The following ADORA2B variants were observed in gnomAD, a reference collection of about 807,000 sequenced individuals.
ADORA2B encodes adenosine A2b receptor.
Under a neutral mutation model 20.8 loss-of-function variants are expected in ADORA2B, and 18 were observed. The observed-to-expected ratio is 0.87, with a 90% confidence interval of 0.60 to 1.29. The LOEUF (loss-of-function observed/expected upper bound fraction) is 1.29, where lower values mean the gene tolerates loss of function less well. Ranked by LOEUF, ADORA2B falls within the 50% of genes most tolerant of loss-of-function variation. The pLI, the probability that ADORA2B is intolerant of heterozygous loss-of-function variation, is 0.00. For synonymous variants in ADORA2B, 179 were observed against 178.3 expected, an observed-to-expected ratio of 1.00 and a Z score of -0.03; for missense variants, 441 against 422.7, an observed-to-expected ratio of 1.04 and a Z score of -0.38.
chr17:15,866,680 G>GCTCTCC, the ADORA2B span, among the ~76,000 whole-genome samples: 122 of 114,278 alleles, frequency 1.1e-3, 1 homozygote, highest in Middle Eastern at 4.3e-3. Context: ...TCTTCTTTTG[G>GCTCTCC]CTCTCCCTCT....
At chr17:15,939,665 C>A in the ADORA2B span, among the ~76,000 whole-genome samples, 1 of 151,956 alleles carries the variant, frequency 6.6e-6, no homozygotes, top group Non-Finnish European at 1.5e-5. Flanking sequence ...TGAGACCATC[C>A]TGGCTAACAC....
At chr17:15,923,143 C>T in the ADORA2B span, among the ~76,000 whole-genome samples, 1 of 150,734 alleles carries the variant, frequency 6.6e-6, no homozygotes, top group East Asian at 1.9e-4. Context: ...GTGCCTCAGC[C>T]TCTCGAGTAG....
the ADORA2B span, among the ~76,000 whole-genome samples, chr17:15,875,973 G>A: frequency 6.6e-4 from 100 of 152,350 alleles, no homozygotes; most frequent in African/African-American, 2.3e-3. Context: ...GATCACAGCA[G>A]TGTCATCTTG....
chr17:15,956,509 C>T (rs1274225182), intron 1 of ADORA2B, among the ~76,000 whole-genome samples: 1 of 151,944 alleles, frequency 6.6e-6, no homozygotes, highest in Non-Finnish European at 1.5e-5. Context: ...TCCTGTCCAC[C>T]TTCTGTTTTT....
At chr17:15,931,359 G>A in the ADORA2B span, among the ~76,000 whole-genome samples, 1 of 152,198 alleles carries the variant, frequency 6.6e-6, no homozygotes, top group African/African-American at 2.4e-5. Context: ...GTCCTCCCCA[G>A]CACCCACTCA....
chr17:15,877,220 G>A, the ADORA2B span, among the ~76,000 whole-genome samples: 3 of 151,898 alleles, frequency 2.0e-5, no homozygotes, highest in African/African-American at 4.8e-5. Context: ...TACGAATTTC[G>A]CTGAAGATTG....
chr17:15,941,401 C>T (rs1969743830), upstream of ADORA2B, among the ~76,000 whole-genome samples: 2 of 152,190 alleles, frequency 1.3e-5, no homozygotes, highest in East Asian at 1.9e-4. Flanking sequence ...GTTGCTAAGA[C>T]CTGGGCTCTG....
At chr17:15,888,398 G>A in the ADORA2B span, among the ~76,000 whole-genome samples, 1 of 128,296 alleles carries the variant, frequency 7.8e-6, no homozygotes, top group Non-Finnish European at 1.6e-5. Flanking sequence ...CACACCCCAG[G>A]AGCCTCAGGG....
intron 1 of ADORA2B, chr17:15,974,412 C>T (rs1567785350): frequency 2.4e-6 from 1 of 414,952 alleles, no homozygotes; most frequent in Non-Finnish European, 4.3e-6. Flanking sequence ...TCCCTTAAGG[C>T]TTCCCCACCT....
the ADORA2B span, among the ~76,000 whole-genome samples, chr17:15,868,154 A>T: frequency 2.0e-4 from 28 of 141,548 alleles, no homozygotes; most frequent in African/African-American, 6.6e-4. Flanking sequence ...GTGCTTTGTT[A>T]AACAGATGCT....
chr17:15,899,115 A>C, the ADORA2B span, among the ~76,000 whole-genome samples: 1,516 of 152,106 alleles, frequency 1.0e-2, 35 homozygotes, highest in African/African-American at 0.034. Context: ...CTGTAATCCC[A>C]GCTACTTGGG....
At chr17:15,968,196 C>T (rs1227881979) in intron 1 of ADORA2B, among the ~76,000 whole-genome samples, 1 of 152,160 alleles carries the variant, frequency 6.6e-6, no homozygotes, top group Non-Finnish European at 1.5e-5. Context: ...CACAGCTGAC[C>T]CTTGAACAGC....
chr17:15,870,903 G>A, the ADORA2B span, among the ~76,000 whole-genome samples: 1 of 152,188 alleles, frequency 6.6e-6, no homozygotes. Context: ...CGGCACTGTG[G>A]GCTTCCACTC....
chr17:15,947,559 T>C (rs1969824473), intron 1 of ADORA2B, among the ~76,000 whole-genome samples: 1 of 152,222 alleles, frequency 6.6e-6, no homozygotes, highest in South Asian at 2.1e-4. Flanking sequence ...CATCCTGCCT[T>C]CCTGGCCCGT....
At chr17:15,915,018 A>G in the ADORA2B span, among the ~76,000 whole-genome samples, 3 of 152,240 alleles carry the variant, frequency 2.0e-5, no homozygotes, top group Non-Finnish European at 4.4e-5. Flanking sequence ...TCAGTGGCTT[A>G]AAACAACAGG....
chr17:15,922,751 A>T, the ADORA2B span, among the ~76,000 whole-genome samples: 651 of 152,352 alleles, frequency 4.3e-3, 2 homozygotes, highest in African/African-American at 0.015. Context: ...CTGACGGAAC[A>T]TGCCAAATTG....
the ADORA2B span, among the ~76,000 whole-genome samples, chr17:15,916,107 CT>C: frequency 4.6e-5 from 7 of 152,136 alleles, no homozygotes; most frequent in Non-Finnish European, 7.3e-5. Context: ...TCACATGGCA[CT>C]CACTATGGCT....
chr17:15,942,379 A>G (rs1186945262), upstream of ADORA2B, among the ~76,000 whole-genome samples: 4 of 152,030 alleles, frequency 2.6e-5, no homozygotes, highest in African/African-American at 4.8e-5. Context: ...CCACTAGTAA[A>G]GCTCCCTGAG....
intron 1 of ADORA2B, among the ~76,000 whole-genome samples, chr17:15,961,923 C>CA (rs1293496698): frequency 4.6e-5 from 7 of 152,254 alleles, no homozygotes; most frequent in African/African-American, 1.7e-4. Flanking sequence ...TCACACCTCT[C>CA]AGCACTGTTG....
Sources: gnomAD v4.1 joint callset for allele counts (sites outside exome capture counted in the v4.1 genomes callset) on GRCh38, gnomAD v4.1.1 for gene constraint, MANE v1.5 for transcripts, NCBI Gene and HGNC (gene_info 2026-07-23, HGNC 2026-07-21) for gene names.